Variants in DERA observed in about 807,000 individuals in gnomAD.
The protein encoded by DERA is deoxyribose-phosphate aldolase.
DERA carries 15 observed loss-of-function variants against 41.1 expected under a neutral mutation model. That is an observed-to-expected ratio of 0.37 (90% CI 0.24 to 0.56). The LOEUF is 0.56. Ranked by LOEUF, DERA falls within the 20% of genes least tolerant of loss-of-function variation. The probability of loss-of-function intolerance (pLI) is 0.81; values close to 1 mark genes in which losing one functional copy is unlikely to be tolerated. For missense variants in DERA, 396 were observed against 403.4 expected, an observed-to-expected ratio of 0.98 and a Z score of 0.16; for synonymous variants, 139 against 137.4, an observed-to-expected ratio of 1.01 and a Z score of -0.08.
intron 6 of DERA, among the ~76,000 whole-genome samples, chr12:16,002,337 A>G (rs547990675): frequency 1.4e-5 from 2 of 141,862 alleles, no homozygotes; most frequent in African/African-American, 4.9e-5. Flanking sequence ...GAGCCAACGT[A>G]TATAACCTTT....
chr12:16,019,456 T>C lies in DERA; in HGVS notation c.638-13086T>C, dbSNP rs1949004522. On this transcript the variant is annotated intron_variant, in intron 6 of 8. Coordinates refer to ENST00000428559, the MANE Select transcript of DERA (RefSeq NM_015954.4). This position sits in a 1 kb window ranked among gnomAD's most constrained non-coding sequence, Gnocchi z 4.4. ...AAGAACAGAGCCCAATGTCTGTGGG[T>C]TCAAAGCTCTCTATAATATTTTCCT... Among the ~76,000 whole-genome samples, 1 of 152,172 alleles carries C rather than the reference T, an allele frequency of 6.6e-6. No homozygotes were observed. The highest frequency in any genetic ancestry group is 2.4e-5 in the African/African-American group (1 of 41,426).
In DERA at chr12:16,014,560, C is replaced by T. The variant is rs1400703089; in HGVS notation, c.638-17982C>T. Among the ~76,000 whole-genome samples, 3 of 152,186 alleles carry T rather than the reference C, an allele frequency of 2.0e-5. No individual in the cohort carries two copies. The highest frequency in any genetic ancestry group is 1.9e-4 in the East Asian group (1 of 5,198). ...CTAGGTTTCAGAGGATGTATGGAAT[C>T]GCCTGGATGTCCTGGCAGAAGTTTA... On this transcript the variant is annotated intron_variant, in intron 6 of 8. Coordinates refer to ENST00000428559, the MANE Select transcript of DERA (RefSeq NM_015954.4). This position sits in a 1 kb window ranked among gnomAD's most constrained non-coding sequence, Gnocchi z 5.4.
In DERA at chr12:16,017,294, G is replaced by A. The variant is rs1565615280; in HGVS notation, c.638-15248G>A. On this transcript the variant is annotated intron_variant, in intron 6 of 8. Coordinates refer to ENST00000428559, the MANE Select transcript of DERA (RefSeq NM_015954.4). The surrounding 1 kb of genome is among the most constrained non-coding windows in gnomAD (Gnocchi z 5.5). ...ACAAGCATCATTGCTTAGTTATCGT[G>A]TTCTATTGCATTGCTAACGTGATGG... Among the ~76,000 whole-genome samples the A allele has an allele frequency of 6.6e-6, 1 of 152,166 alleles. No individual in the cohort carries two copies. The highest frequency in any genetic ancestry group is 6.5e-5 in the Admixed American group (1 of 15,280).
At position 15,994,291 on chromosome 12, in the gene DERA, A is replaced by G. The variant is rs1592040273; in HGVS notation, c.637+11855A>G. 1.3e-5 allele frequency among the ~76,000 whole-genome samples: 2 copies of G among 152,198 alleles called. No homozygotes were observed. The highest frequency in any genetic ancestry group is 4.8e-5 in the African/African-American group (2 of 41,454). On this transcript the variant is annotated intron_variant, in intron 6 of 8. Transcript: ENST00000428559. The surrounding 1 kb of genome is among the most constrained non-coding windows in gnomAD (Gnocchi z 4.8). ...ATAAAGCTGTATTTCCCCTTTAAAC[A>G]TTAAGGGATTTTATTTTCTAAGTGA...
rs1948814280 is a variant in DERA, at chr12:15,993,310, T to G, written c.637+10874T>G. ...AGTATCTAAGATTTTAAAAAATATA[T>G]TTTTGAAAATTTAAATATGCATCAA... On this transcript the variant is annotated intron_variant, in intron 6 of 8. Transcript: ENST00000428559. This position sits in a 1 kb window ranked among gnomAD's most constrained non-coding sequence, Gnocchi z 4.4. 6.6e-6 allele frequency among the ~76,000 whole-genome samples: 1 copy of G among 152,124 alleles called. No homozygotes were observed. Among genetic ancestry groups the G allele is most frequent in the African/African-American group, 2.4e-5 (1 of 41,418 alleles).
intron 6 of DERA, among the ~76,000 whole-genome samples, chr12:16,031,084 C>T (rs1949089364): frequency 6.6e-6 from 1 of 152,160 alleles, no homozygotes; most frequent in African/African-American, 2.4e-5. Flanking sequence ...TTGTGTAATA[C>T]TATGAAGCAA....
At chr12:16,007,527 A>G (rs1158422480) in intron 6 of DERA, among the ~76,000 whole-genome samples, 1 of 152,140 alleles carries the variant, frequency 6.6e-6, no homozygotes, top group Non-Finnish European at 1.5e-5. Flanking sequence ...TACAGAATTC[A>G]TTTAGATTTT....
intron 6 of DERA, among the ~76,000 whole-genome samples, chr12:16,029,296 G>A (rs1027673785): frequency 1.3e-5 from 2 of 151,824 alleles, no homozygotes; most frequent in African/African-American, 2.4e-5. Context: ...AGTGGCGGGC[G>A]CCTGTAGTCC....
At chr12:15,927,798 A>G (rs1948298424) in intron 1 of DERA, among the ~76,000 whole-genome samples, 1 of 152,174 alleles carries the variant, frequency 6.6e-6, no homozygotes, top group African/African-American at 2.4e-5. Flanking sequence ...ACTAGCTGCT[A>G]ATTATCTGTC....
rs1948363365 is a variant in DERA at position 15,936,237 on chromosome 12, AC to A, written c.32-20696del. ...TTGTGGGTCATTTTTGAGGCTAGCT[AC>A]CCGTTTCCCTTATTTGCTATGTTAA... On this transcript the variant is annotated intron_variant, in intron 1 of 8. Coordinates refer to ENST00000428559, the MANE Select transcript of DERA (RefSeq NM_015954.4). The surrounding 1 kb of genome is among the most constrained non-coding windows in gnomAD (Gnocchi z 4.6). 6.6e-6 allele frequency among the ~76,000 whole-genome samples: 1 copy of A among 152,108 alleles called. No homozygotes were observed. The highest frequency in any genetic ancestry group is 2.4e-5 in the African/African-American group (1 of 41,398).
rs1228759826 is a variant in DERA at position 15,940,075 on chromosome 12, C to T, written c.32-16861C>T. On this transcript the variant is annotated intron_variant, in intron 1 of 8. Coordinates refer to ENST00000428559, the MANE Select transcript of DERA (RefSeq NM_015954.4). The surrounding 1 kb of genome is among the most constrained non-coding windows in gnomAD (Gnocchi z 5.1). ...CATGATACTACAACAAAATTTGTAT[C>T]CATGTTGTCACTGCAAAATCACATA... Among the ~76,000 whole-genome samples, 1 of 152,150 alleles carries T rather than the reference C, an allele frequency of 6.6e-6. No homozygotes were observed. The highest frequency in any genetic ancestry group is 1.5e-5 in the Non-Finnish European group (1 of 68,028).
chr12:15,963,429 G>T (rs1413041450), intron 5 of DERA, among the ~76,000 whole-genome samples: 1 of 152,064 alleles, frequency 6.6e-6, no homozygotes, highest in Non-Finnish European at 1.5e-5. Context: ...TTTACTTCTA[G>T]CATTCTTAGA....
Position 15,968,086 on chromosome 12 carries a change from C to CTTTTTTTTTT in DERA, c.508+5144_508+5153dup, listed in dbSNP as rs368286741. Among the ~76,000 whole-genome samples the CTTTTTTTTTT allele has an allele frequency of 3.5e-5, 5 of 141,892 alleles. No homozygotes were observed. In the South Asian group the frequency reaches 8.9e-4, roughly 25 times the overall value. The allele number at this position is 141,892 out of a possible 152,430, so 93.1% of individuals were successfully genotyped here. A position where few individuals can be genotyped will look rare whatever the true frequency, so the allele number is the denominator to read the frequency against. ...TAACTCAGGACTCTTTCTTCTTCTT[C>CTTTTTTTTTT]TTTTTTTTTTTTTTGACATAATTCC... On this transcript the variant is annotated intron_variant, in intron 5 of 8. Coordinates refer to ENST00000428559, the MANE Select transcript of DERA (RefSeq NM_015954.4).
chr12:15,962,550 T>C (rs541948747), intron 4 of DERA, among the ~76,000 whole-genome samples: 2 of 152,354 alleles, frequency 1.3e-5, no homozygotes, highest in South Asian at 4.1e-4. Context: ...TGAGCATCTC[T>C]GCAGCATCTT....
At chr12:16,032,415 A>G (rs946446399) in intron 6 of DERA, 127 bp from the exon 7 acceptor site, 2 of 600,738 alleles carry the variant, frequency 3.3e-6, no homozygotes, top group Non-Finnish European at 5.7e-6. Context: ...AGTTTTTCCA[A>G]TAATTAATGA....
intron 7 of DERA, chr12:16,032,941 C>T (rs1388722762): frequency 3.2e-6 from 1 of 310,962 alleles, no homozygotes; most frequent in African/African-American, 2.3e-5. Context: ...CAAGAGATTC[C>T]TAAATGGGTT....
Position 15,992,754 on chromosome 12 carries a change from A to C in DERA, c.637+10318A>C, listed in dbSNP as rs973996897. 6.6e-6 allele frequency among the ~76,000 whole-genome samples: 1 copy of C among 152,212 alleles called. No individual in the cohort carries two copies. The highest frequency in any genetic ancestry group is 6.5e-5 in the Admixed American group (1 of 15,290). On this transcript the variant is annotated intron_variant, in intron 6 of 8. Coordinates refer to ENST00000428559, the MANE Select transcript of DERA (RefSeq NM_015954.4). This position sits in a 1 kb window ranked among gnomAD's most constrained non-coding sequence, Gnocchi z 4.3. Reference sequence around the variant, plus strand: ...TAAGGGATTTCAGCCCAGCAAATGCACACATTAAGAATAATGCCAGAATGT... The same window carrying C: ...TAAGGGATTTCAGCCCAGCAAATGCCCACATTAAGAATAATGCCAGAATGT...
At position 16,012,331 on chromosome 12, in the gene DERA, C is replaced by T. The variant is rs193100544; in HGVS notation, c.638-20211C>T. ...AAGGGGCCAGCCAGCTGGGCAGTTT[C>T]CCAGTGTGCTAATCTCTAAGAGACA... On this transcript the variant is annotated intron_variant, in intron 6 of 8. Coordinates refer to ENST00000428559, the MANE Select transcript of DERA (RefSeq NM_015954.4). This position sits in a 1 kb window ranked among gnomAD's most constrained non-coding sequence, Gnocchi z 4.1. Among the ~76,000 whole-genome samples the T allele has an allele frequency of 6.6e-6, 1 of 152,304 alleles. No individual in the cohort carries two copies. Among genetic ancestry groups the T allele is most frequent in the East Asian group, 1.9e-4 (1 of 5,188 alleles).
At chr12:15,923,301 C>G (rs1183184031) in intron 1 of DERA, among the ~76,000 whole-genome samples, 1 of 152,064 alleles carries the variant, frequency 6.6e-6, no homozygotes, top group South Asian at 2.1e-4. Flanking sequence ...GGATTACAGG[C>G]GTGAGCCACC....
Sources: gnomAD v4.1 joint callset for allele counts (sites outside exome capture counted in the v4.1 genomes callset) on GRCh38, gnomAD v4.1.1 for gene constraint, Gnocchi (gnomAD v3.1) non-coding constraint, MANE v1.5 for transcripts, NCBI Gene and HGNC (gene_info 2026-07-23, HGNC 2026-07-21) for gene names.